Variants in ZFHX4 observed in about 807,000 individuals in gnomAD.
ZFHX4 encodes the protein zinc finger homeobox 4.
ZFHX4 carries 56 observed loss-of-function variants against 267.6 expected under a neutral mutation model. That is an observed-to-expected ratio of 0.21 (90% CI 0.17 to 0.26). The LOEUF is 0.26. Among genes scored for constraint, ZFHX4 ranks in the 10% least tolerant of loss-of-function variants. ZFHX4 has a pLI of 1.00. For synonymous variants in ZFHX4, 1,778 were observed against 1,665.6 expected, an observed-to-expected ratio of 1.07 and a Z score of -1.64; for missense variants, 4,332 against 4,420.0, an observed-to-expected ratio of 0.98 and a Z score of 0.56.
chr8:76,851,037 C>A lies in ZFHX4; in HGVS notation c.4116C>A (p.Asp1372Glu), dbSNP rs1408025945. 2.5e-6 allele frequency: 4 copies of A among 1,613,852 alleles called. No individual in the cohort carries two copies. Among genetic ancestry groups the A allele is most frequent in the East Asian group, 4.5e-5 (2 of 44,882 alleles). Reference protein sequence around the residue: ...KNSSKDVKIPDTLQDQLNEQQ... With the variant: ...KNSSKDVKIPETLQDQLNEQQ... ...GCAGTAAGGATGTGAAAATCCCCGA[C>A]ACACTGCAAGATCAATTAAATGAAC... is the stretch of plus-strand genomic sequence containing the variant. Residue 1372 changes from aspartate (D) to glutamate (E), a missense_variant, in exon 10 of 11, where the codon GAC becomes GAA. Physicochemically the swap from Asp to Glu is conservative, Grantham distance 45. Around this residue, in one of 7 missense-constraint regions of ZFHX4, gnomAD observed 1,371 missense variants for 1,423.1 expected, o/e 0.96. Transcript: ENST00000651372.
intron 4 of ZFHX4, among the ~76,000 whole-genome samples, chr8:76,791,637 C>T (rs1207700626): frequency 2.0e-5 from 3 of 152,022 alleles, no homozygotes; most frequent in South Asian, 4.1e-4. Context: ...GAAGAAAAAT[C>T]GCTCTACTAT....
intron 3 of ZFHX4, among the ~76,000 whole-genome samples, chr8:76,739,659 A>G (rs916148589): frequency 6.6e-6 from 1 of 152,170 alleles, no homozygotes; most frequent in Admixed American, 6.6e-5. Context: ...GGGAGGGATA[A>G]TAAAAGGTAT....
chr8:76,708,100 T>C (rs1808329174), intron 3 of ZFHX4, 52 bp downstream of exon 3: 2 of 1,603,182 alleles, frequency 1.2e-6, no homozygotes, highest in African/African-American at 1.3e-5. Context: ...GGGAATTAAC[T>C]CTTTCAGAGC....
At position 76,704,382 on chromosome 8, in the gene ZFHX4, C is replaced by G. The variant is rs954177513; in HGVS notation, c.294C>G (p.His98Gln). The change falls in exon 2 of 11, where the codon CAC (histidine) becomes CAG (glutamine). Residue 98 changes from histidine to glutamine, a missense_variant. By Grantham distance (24) the His-to-Gln change is conservative. Coordinates refer to ENST00000651372, the MANE Select transcript of ZFHX4 (RefSeq NM_024721.5). ...CCAGTTTACAGAAATACATGGAACA[C>G]CACTGCCCTAATGCCCGCCTTCCTG... Reference protein sequence around the residue: ...SFPSLQKYMEHHCPNARLPVL... With the variant: ...SFPSLQKYMEQHCPNARLPVL... 6.2e-7 allele frequency: 1 copy of G among 1,613,980 alleles called. No homozygotes were observed. Among genetic ancestry groups the G allele is most frequent in the Middle Eastern group, 1.6e-4 (1 of 6,062 alleles).
Position 76,833,231 on chromosome 8 carries a change from A to G in ZFHX4, c.3326-107A>G, listed in dbSNP as rs866229905. 1.4e-5 allele frequency: 11 copies of G among 785,972 alleles called. No homozygotes were observed. The African/African-American group carries it at 1.9e-4, about 14-fold the overall frequency. The allele number at this position is 785,972 out of a possible 1,614,324, so 48.7% of individuals were successfully genotyped here. A position where few individuals can be genotyped will look rare whatever the true frequency, so the allele number is the denominator to read the frequency against. The stretch of plus-strand genomic sequence containing the variant: ...TGGAGACTCACCTGAGCTTCACCTG[A>G]TACTTATCTCTCCTGACTGCCAAAT... On this transcript the variant is annotated intron_variant, in intron 4 of 10. Coordinates refer to ENST00000651372, the MANE Select transcript of ZFHX4 (RefSeq NM_024721.5).
rs1808183785 is a variant in ZFHX4 at position 76,704,292 on chromosome 8, T to G, written c.204T>G (p.Asn68Lys). Residue 68 changes from asparagine (N) to lysine (K), a missense_variant, in exon 2 of 11, where the codon AAT (asparagine) becomes AAG (lysine). Coordinates refer to ENST00000651372, the MANE Select transcript of ZFHX4 (RefSeq NM_024721.5). ...SEALLGFSVE[N>K]AAATQVTSAK... Reference sequence around the variant, plus strand: ...CCTTGCTGGGTTTCAGCGTTGAGAATGCAGCTGCCACTCAGGTTACCTCAG... The same window carrying G: ...CCTTGCTGGGTTTCAGCGTTGAGAAGGCAGCTGCCACTCAGGTTACCTCAG... 1 of 1,613,868 alleles carries G rather than the reference T, an allele frequency of 6.2e-7. No individual in the cohort carries two copies. Among genetic ancestry groups the G allele is most frequent in the South Asian group, 1.1e-5 (1 of 91,080 alleles).
chr8:76,748,910 G>C, intron 3 of ZFHX4, among the ~76,000 whole-genome samples: 1 of 152,022 alleles, frequency 6.6e-6, no homozygotes, highest in East Asian at 1.9e-4. Context: ...TTATATAAAA[G>C]CCAAGTCAAT....
rs1812632308 is a variant in ZFHX4 at position 76,854,108 on chromosome 8, A to T, written c.7187A>T (p.Lys2396Ile). Reference protein sequence around the residue: ...GTSTPLIPSPKPEPEKTSPKP... With the variant: ...GTSTPLIPSPIPEPEKTSPKP... ...AGCACCCCCCTGATTCCATCACCCA[A>T]ACCAGAACCTGAGAAGACTTCTCCA... Residue 2396 changes from lysine (K) to isoleucine (I), a missense_variant, in exon 10 of 11, where the codon AAA becomes ATA. Around this residue, in one of 7 missense-constraint regions of ZFHX4, gnomAD observed 1,648 missense variants for 1,625.0 expected, o/e 1.01. Coordinates refer to ENST00000651372, the MANE Select transcript of ZFHX4 (RefSeq NM_024721.5). The T allele has an allele frequency of 3.7e-6, 6 of 1,613,652 alleles. No homozygotes were observed. The Admixed American group carries it at 5.0e-5, about 13-fold the overall frequency.
At chr8:76,838,377 G>A (rs1490144234) in intron 5 of ZFHX4, among the ~76,000 whole-genome samples, 1 of 152,188 alleles carries the variant, frequency 6.6e-6, no homozygotes, top group Non-Finnish European at 1.5e-5. Flanking sequence ...TGTAGGAAGT[G>A]AACAAAGATG....
At chr8:76,763,095 A>T (rs369752270) in intron 3 of ZFHX4, among the ~76,000 whole-genome samples, 1 of 152,096 alleles carries the variant, frequency 6.6e-6, no homozygotes, top group Non-Finnish European at 1.5e-5. Context: ...GATGTTGAGG[A>T]AGAGACACCA....
intron 3 of ZFHX4, among the ~76,000 whole-genome samples, chr8:76,709,987 A>G (rs1472749856): frequency 1.3e-5 from 2 of 152,144 alleles, no homozygotes; most frequent in African/African-American, 4.8e-5. Context: ...AAGCATGATT[A>G]TAAAGAGGGC....
chr8:76,836,597 A>G lies in ZFHX4; in HGVS notation c.3394+3191A>G, dbSNP rs558076117. ...AAGAGAAAGAAAGCTAACATGGAGA[A>G]AGATGAGGGAGTGAGGAGGAGTGTA... On this transcript the variant is annotated intron_variant, in intron 5 of 10. Coordinates refer to ENST00000651372, the MANE Select transcript of ZFHX4 (RefSeq NM_024721.5). Among the ~76,000 whole-genome samples the G allele has an allele frequency of 2.0e-5, 3 of 152,236 alleles. No homozygotes were observed. In the South Asian group the frequency reaches 6.2e-4, roughly 32 times the overall value.
rs1346365496 is a variant in ZFHX4 at position 76,852,727 on chromosome 8, A to G, written c.5806A>G (p.Lys1936Glu). Residue 1936 changes from lysine (K) to glutamate (E), a missense_variant, in exon 10 of 11, where the codon AAA becomes GAA. Coordinates refer to ENST00000651372, the MANE Select transcript of ZFHX4 (RefSeq NM_024721.5). ...CAGGCAGAAGGTACAGAAGAAGGGCAAAAGTGGTGAAGGCGAAAACACTGA... is the reference window on the plus strand; with the variant it reads ...CAGGCAGAAGGTACAGAAGAAGGGCGAAAGTGGTGAAGGCGAAAACACTGA... ...ENRQKVQKKG[K>E]SGEGENTDKL... 6.2e-7 allele frequency: 1 copy of G among 1,613,906 alleles called. No homozygotes were observed. The highest frequency in any genetic ancestry group is 1.7e-5 in the Admixed American group (1 of 60,010).
intron 4 of ZFHX4, among the ~76,000 whole-genome samples, chr8:76,820,846 T>C (rs1811629898): frequency 6.6e-6 from 1 of 152,230 alleles, no homozygotes; most frequent in South Asian, 2.1e-4. Flanking sequence ...CAGATCTTTA[T>C]GCAACAAAAA....
At chr8:76,804,613 C>T (rs555025198) in intron 4 of ZFHX4, among the ~76,000 whole-genome samples, 32 of 152,162 alleles carry the variant, frequency 2.1e-4, no homozygotes, top group Non-Finnish European at 3.8e-4. Flanking sequence ...TGTGAGTTTG[C>T]AGAATTTGCC....
chr8:76,684,922 A>G (rs1050016379), intron 1 of ZFHX4, among the ~76,000 whole-genome samples: 7 of 152,326 alleles, frequency 4.6e-5, no homozygotes, highest in African/African-American at 1.7e-4. Flanking sequence ...CTAAATTTAC[A>G]CAATGAAATT....
chr8:76,756,059 A>G (rs918458823), intron 3 of ZFHX4, among the ~76,000 whole-genome samples: 1 of 152,188 alleles, frequency 6.6e-6, no homozygotes, highest in African/African-American at 2.4e-5. Context: ...CCTTTTGAAG[A>G]AATCATCAAA....
rs200704587 is a variant in ZFHX4, at chr8:76,853,091, C to A, written c.6170C>A (p.Pro2057Gln). ...CCTCCTCCTCCTCCTCCTCCCCCCC[C>A]ACCTCCTCCACCTTCTGCTCCTCCA... is the stretch of plus-strand genomic sequence containing the variant. Reference protein sequence around the residue: ...PPPPPPPPPPPPPPPSAPPQV... With the variant: ...PPPPPPPPPPQPPPPSAPPQV... The change falls in exon 10 of 11, where the codon CCA becomes CAA. Residue 2057 changes from proline (P) to glutamine (Q), a missense_variant. Physicochemically the swap from Pro to Gln is moderately conservative, Grantham distance 76. Around this residue, in one of 7 missense-constraint regions of ZFHX4, gnomAD observed 1,371 missense variants for 1,423.1 expected, o/e 0.96. Transcript: ENST00000651372. 384 of 1,493,664 alleles carry A rather than the reference C, an allele frequency of 2.6e-4. 1 individual carries two copies. Among genetic ancestry groups the A allele is most frequent in the Non-Finnish European group, 3.2e-4 (353 of 1,101,838 alleles). 92.5% of individuals were successfully genotyped at this position (1,493,664 alleles called of 1,614,324 possible). A position where few individuals can be genotyped will look rare whatever the true frequency, so the allele number is the denominator to read the frequency against.
intron 3 of ZFHX4, among the ~76,000 whole-genome samples, chr8:76,711,363 GA>G (rs1357620863): frequency 1.3e-5 from 2 of 152,084 alleles, no homozygotes; most frequent in African/African-American, 4.8e-5. Flanking sequence ...ACAATAAGAT[GA>G]AACTGAAGAT....
Sources: allele counts gnomAD v4.1 joint callset (sites outside exome capture counted in the v4.1 genomes callset), GRCh38; gene constraint gnomAD v4.1.1; regional missense constraint gnomAD v4.1.1; transcripts MANE v1.5; gene names NCBI Gene and HGNC (gene_info 2026-07-23, HGNC 2026-07-21).